SUPT3H: variants seen among roughly 807,000 people sequenced by gnomAD.
SUPT3H encodes transcription initiation protein SPT3 homolog.
Under a neutral mutation model 44.3 loss-of-function variants are expected in SUPT3H, and 44 were observed. That is an observed-to-expected ratio of 0.99 (90% CI 0.78 to 1.28). The LOEUF (loss-of-function observed/expected upper bound fraction) is 1.28, where lower values mean the gene tolerates loss of function less well. SUPT3H is among the 50% of genes most tolerant of loss of function. The pLI is 0.00. For missense variants in SUPT3H, 380 were observed against 387.1 expected (o/e 0.98, Z 0.15); for synonymous variants, 124 against 125.6 (o/e 0.99, Z 0.09).
At chr6:44,811,649 T>C (rs2153402588) in intron 11 of SUPT3H, among the ~76,000 whole-genome samples, 1 of 152,368 alleles carries the variant, frequency 6.6e-6, no homozygotes, top group East Asian at 1.9e-4. Context: ...TTCTAGCTTG[T>C]CTTCACATTC....
chr6:45,243,031 T>C (rs988623586), intron 2 of SUPT3H, among the ~76,000 whole-genome samples: 4 of 151,630 alleles, frequency 2.6e-5, no homozygotes, highest in Non-Finnish European at 5.9e-5. Flanking sequence ...CTGTCTCTAC[T>C]AAAAATACAA....
chr6:45,018,112 T>G (rs1784575179), intron 4 of SUPT3H, among the ~76,000 whole-genome samples: 2 of 151,738 alleles, frequency 1.3e-5, no homozygotes, highest in Non-Finnish European at 1.5e-5. Context: ...GAAGCAATTG[T>G]GAATGGGAGT....
At chr6:45,298,763 T>G (rs1232962687) in intron 2 of SUPT3H, among the ~76,000 whole-genome samples, 2 of 152,160 alleles carry the variant, frequency 1.3e-5, no homozygotes, top group Non-Finnish European at 2.9e-5. Flanking sequence ...TATCCCATAT[T>G]GCAAACTAAA....
chr6:45,186,466 G>C (rs566301700), intron 2 of SUPT3H, among the ~76,000 whole-genome samples: 1 of 152,120 alleles, frequency 6.6e-6, no homozygotes, highest in East Asian at 1.9e-4. Flanking sequence ...TAACCAAATA[G>C]AAATTATAGA....
At chr6:45,329,278 T>A (rs1389312201) in intron 2 of SUPT3H, among the ~76,000 whole-genome samples, 3 of 152,008 alleles carry the variant, frequency 2.0e-5, no homozygotes, top group Non-Finnish European at 1.5e-5. Flanking sequence ...GTAGTACAGT[T>A]AACATTTTAA....
chr6:45,016,258 T>A (rs1174533685), intron 4 of SUPT3H, among the ~76,000 whole-genome samples: 3 of 152,092 alleles, frequency 2.0e-5, no homozygotes, highest in African/African-American at 7.2e-5. Context: ...ATGGGACTAC[T>A]GCTGTATTTG....
chr6:45,231,909 G>T (rs1768133334), intron 2 of SUPT3H, among the ~76,000 whole-genome samples: 1 of 152,094 alleles, frequency 6.6e-6, no homozygotes, highest in South Asian at 2.1e-4. Context: ...TTCATAAAAG[G>T]AATTCATCAG....
intron 2 of SUPT3H, among the ~76,000 whole-genome samples, chr6:45,280,806 T>C (rs1288744796): frequency 6.7e-6 from 1 of 149,880 alleles, no homozygotes; most frequent in Non-Finnish European, 1.5e-5. Context: ...TTATGCCTTA[T>C]CAACTTTATT....
intron 3 of SUPT3H, among the ~76,000 whole-genome samples, chr6:45,070,297 A>T (rs960188706): frequency 6.6e-6 from 1 of 152,224 alleles, no homozygotes; most frequent in Non-Finnish European, 1.5e-5. Flanking sequence ...TGAGAATTAT[A>T]TAGAGTTTTC....
intron 2 of SUPT3H, among the ~76,000 whole-genome samples, chr6:45,249,538 C>T (rs959316484): frequency 3.3e-5 from 5 of 151,882 alleles, no homozygotes; most frequent in African/African-American, 1.2e-4. Context: ...AAATAGAAAC[C>T]TAAGCCCAGG....
intron 4 of SUPT3H, among the ~76,000 whole-genome samples, chr6:45,019,800 C>G (rs182037401): frequency 2.5e-4 from 38 of 151,996 alleles, no homozygotes; most frequent in Admixed American, 1.4e-3. Flanking sequence ...TCTTAAAATT[C>G]TTCTTCAAGT....
At chr6:44,881,535 G>A (rs997934933) in intron 10 of SUPT3H, among the ~76,000 whole-genome samples, 3 of 152,124 alleles carry the variant, frequency 2.0e-5, no homozygotes, top group Non-Finnish European at 4.4e-5. Flanking sequence ...GGACCAAGTG[G>A]ACCTAATAGA....
At chr6:45,146,614 C>A (rs1806117598) in intron 2 of SUPT3H, among the ~76,000 whole-genome samples, 1 of 152,138 alleles carries the variant, frequency 6.6e-6, no homozygotes, top group Admixed American at 6.6e-5. Context: ...TCTTACTCAT[C>A]TTTAATAGCT....
intron 11 of SUPT3H, among the ~76,000 whole-genome samples, chr6:44,814,825 C>T (rs9357459): frequency 0.41 from 62,826 of 151,770 alleles, 13,344 homozygotes; most frequent in East Asian, 0.69. Context: ...TACAAGTGTG[C>T]GTCACCACGC....
At chr6:45,020,522 T>C (rs1319741664) in intron 4 of SUPT3H, 24 bp downstream of exon 4, 1 of 1,573,740 alleles carries the variant, frequency 6.4e-7, no homozygotes, top group Admixed American at 1.7e-5. Flanking sequence ...TGGATTTTAA[T>C]ACAATAAAAT....
At chr6:45,300,233 T>C (rs1781934868) in intron 2 of SUPT3H, among the ~76,000 whole-genome samples, 1 of 152,202 alleles carries the variant, frequency 6.6e-6, no homozygotes, top group Non-Finnish European at 1.5e-5. Flanking sequence ...ATAGAACAAA[T>C]CTTTTAAATC....
chr6:45,237,516 G>A (rs778287140), intron 2 of SUPT3H, among the ~76,000 whole-genome samples: 1 of 152,182 alleles, frequency 6.6e-6, no homozygotes, highest in Non-Finnish European at 1.5e-5. Context: ...TGCATGAAAT[G>A]GGGTATGTCC....
intron 2 of SUPT3H, among the ~76,000 whole-genome samples, chr6:45,347,836 A>G (rs80130487): frequency 0.038 from 5,724 of 152,176 alleles, 168 homozygotes; most frequent in Non-Finnish European, 0.061. Context: ...CTGTATTCAC[A>G]TTGTAATTAC....
intron 2 of SUPT3H, chr6:45,328,204 G>A: frequency 3.6e-6 from 4 of 1,114,418 alleles, no homozygotes; most frequent in Non-Finnish European, 4.7e-6. Flanking sequence ...CACAGTGGTA[G>A]GCAGTCCCAC....
Sources: gnomAD v4.1 joint callset for allele counts (sites outside exome capture counted in the v4.1 genomes callset) on GRCh38, gnomAD v4.1.1 for gene constraint, MANE v1.5 for transcripts, NCBI Gene and HGNC (gene_info 2026-07-23, HGNC 2026-07-21) for gene names.